The following CD44 variants were observed in gnomAD, a reference collection of about 807,000 sequenced individuals.
CD44 encodes CD44 molecule (IN blood group).
Under a neutral mutation model 88.8 loss-of-function variants are expected in CD44, and 49 were observed. The ratio of observed to expected loss-of-function variants is 0.55; its 90% CI spans 0.44 to 0.70. The LOEUF is 0.70. Ranked by LOEUF, CD44 falls within the 30% of genes least tolerant of loss-of-function variation. The pLI is 0.00. For synonymous variants in CD44, 325 were observed against 312.3 expected, an observed-to-expected ratio of 1.04 and a Z score of -0.43; for missense variants, 883 against 913.8, an observed-to-expected ratio of 0.97 and a Z score of 0.43.
intron 17 of CD44, among the ~76,000 whole-genome samples, chr11:35,225,955 G>C (rs188468402): frequency 1.2e-4 from 18 of 152,366 alleles, no homozygotes; most frequent in African/African-American, 4.3e-4. Context: ...ACATAATGAA[G>C]AAGCTGGGCT....
chr11:35,202,555 G>A (rs1023804941), intron 9 of CD44, among the ~76,000 whole-genome samples: 1 of 152,092 alleles, frequency 6.6e-6, no homozygotes, highest in Non-Finnish European at 1.5e-5. Flanking sequence ...CAGCTTTTTA[G>A]CATTTTTAAA....
chr11:35,181,584 C>G (rs1034990910), intron 3 of CD44, among the ~76,000 whole-genome samples: 1 of 148,580 alleles, frequency 6.7e-6, no homozygotes, highest in African/African-American at 2.5e-5. Context: ...TCAGTTTTCC[C>G]TAAAGATGTG....
At chr11:35,201,950 T>C (rs1192853946) in intron 9 of CD44, among the ~76,000 whole-genome samples, 163 bp downstream of exon 9, 1 of 152,220 alleles carries the variant, frequency 6.6e-6, no homozygotes, top group Non-Finnish European at 1.5e-5. Context: ...ACACAAATTT[T>C]AAAAATTGGA....
chr11:35,168,018 C>T (rs1565049284), intron 1 of CD44, among the ~76,000 whole-genome samples: 1 of 152,218 alleles, frequency 6.6e-6, no homozygotes, highest in South Asian at 2.1e-4. Context: ...AAGGTCAAGA[C>T]TTCAGAATCT....
chr11:35,222,754 C>T (rs1591345181), intron 17 of CD44: 4 of 980,132 alleles, frequency 4.1e-6, no homozygotes, highest in Non-Finnish European at 4.8e-6. Context: ...TATTTTTCTC[C>T]AGGACGTAAT....
chr11:35,200,152 A>C (rs1008294032), intron 7 of CD44, among the ~76,000 whole-genome samples: 4 of 152,048 alleles, frequency 2.6e-5, no homozygotes, highest in African/African-American at 9.7e-5. Context: ...TTGATTTTTC[A>C]TAACTTGTAA....
chr11:35,188,115 G>T (rs1433187438), intron 4 of CD44, among the ~76,000 whole-genome samples: 2 of 152,228 alleles, frequency 1.3e-5, no homozygotes, highest in African/African-American at 4.8e-5. Context: ...ACAGTACAGT[G>T]TTGAGAGGTC....
At chr11:35,195,476 C>T (rs1946651707) in intron 5 of CD44, among the ~76,000 whole-genome samples, 1 of 151,912 alleles carries the variant, frequency 6.6e-6, no homozygotes, top group Non-Finnish European at 1.5e-5. Context: ...TAAATGTTGA[C>T]AATGTTTATC....
rs1017086248 is a variant in CD44, at chr11:35,208,266, G to A, written c.1516+60G>A. 2.0e-5 allele frequency: 23 copies of A among 1,142,890 alleles called. No individual in the cohort carries two copies. In the East Asian group the frequency reaches 2.1e-4, roughly 11 times the overall value. The allele number at this position is 1,142,890 out of a possible 1,614,324, so 70.8% of individuals were successfully genotyped here. A position where few individuals can be genotyped will look rare whatever the true frequency, so the allele number is the denominator to read the frequency against. On this transcript the variant is annotated intron_variant, in intron 12 of 17. Coordinates refer to ENST00000428726, the MANE Select transcript of CD44 (RefSeq NM_000610.4). The stretch of plus-strand genomic sequence containing the variant: ...TGTATTCCTGCTTCATCTCTTACTC[G>A]CTATTGGCCAAGATGCAGAGCTTTG...
intron 5 of CD44, among the ~76,000 whole-genome samples, chr11:35,191,537 CT>C (rs1946273773): frequency 6.6e-6 from 1 of 152,138 alleles, no homozygotes; most frequent in African/African-American, 2.4e-5. Context: ...GGTTCCCTGT[CT>C]TTTTAAAGTA....
intron 1 of CD44, among the ~76,000 whole-genome samples, chr11:35,158,398 C>T (rs1942179837): frequency 6.6e-6 from 1 of 152,276 alleles, no homozygotes. Context: ...TTCTGCCAGT[C>T]ACCAATTATG....
chr11:35,142,875 A>T (rs534866570), intron 1 of CD44, among the ~76,000 whole-genome samples: 21 of 152,250 alleles, frequency 1.4e-4, no homozygotes, highest in Admixed American at 1.2e-3. Context: ...AGACTCAGAG[A>T]TGGGAACTCT....
Position 35,211,351 on chromosome 11 carries a change from G to T in CD44, c.1712G>T (p.Arg571Met). 1 of 1,613,966 alleles carries T rather than the reference G, an allele frequency of 6.2e-7. No individual in the cohort carries two copies. The highest frequency in any genetic ancestry group is 8.5e-7 in the Non-Finnish European group (1 of 1,179,878). Reference sequence around the variant, plus strand: ...CATTACCCACACACGAAGGAAAGCAGGACCTTCATCCCAGTGACCTCAGCT... The same window carrying T: ...CATTACCCACACACGAAGGAAAGCATGACCTTCATCCCAGTGACCTCAGCT... ...TSHYPHTKES[R>M]TFIPVTSAKT... The change falls in exon 14 of 18, where the codon AGG becomes ATG. Residue 571 changes from arginine to methionine, a missense_variant. Transcript: ENST00000428726.
At chr11:35,229,060 G>T in intron 17 of CD44, 69 bp from the exon 18 acceptor site, 1 of 1,257,284 alleles carries the variant, frequency 8.0e-7, no homozygotes, top group Non-Finnish European at 1.1e-6. Flanking sequence ...ATGGTGCTCA[G>T]TAAGGATGAT....
chr11:35,179,951 A>G (rs1944831846), intron 2 of CD44, among the ~76,000 whole-genome samples: 2 of 152,196 alleles, frequency 1.3e-5, no homozygotes, highest in South Asian at 2.1e-4. Context: ...TCTGTGACTC[A>G]GGCTTCCTTC....
chr11:35,173,619 A>C (rs1172668123), intron 1 of CD44, among the ~76,000 whole-genome samples: 1 of 152,226 alleles, frequency 6.6e-6, no homozygotes, highest in African/African-American at 2.4e-5. Flanking sequence ...ATGTCTTTTC[A>C]AGTTCCATTT....
rs1307240086 is a variant in CD44 at position 35,180,420 on chromosome 11, G to A, written c.367+13G>A. ...TTCAATGCTTCAGGTTGGTTCTCAG[G>A]GGGGTGTCTGTTGGCGTGAAAGGCT... On this transcript the variant is annotated intron_variant, in intron 3 of 17. Transcript: ENST00000428726. The A allele has an allele frequency of 8.1e-6, 13 of 1,613,822 alleles. No homozygotes were observed. In the African/African-American group the frequency reaches 9.3e-5, roughly 12 times the overall value.
chr11:35,143,538 A>G lies in CD44; in HGVS notation c.67+4168A>G, dbSNP rs139303916. 2.6e-5 allele frequency among the ~76,000 whole-genome samples: 4 copies of G among 152,258 alleles called. No homozygotes were observed. The East Asian group carries it at 5.8e-4, about 22-fold the overall frequency. On this transcript the variant is annotated intron_variant, in intron 1 of 17. Transcript: ENST00000428726. ...GTGGTGGAGTTGGGATTTCCGCATT[A>G]TCTAACATCCTCCCATGTTAGACTC...
intron 7 of CD44, among the ~76,000 whole-genome samples, chr11:35,199,934 G>GTTTTTTTTTTTTT (rs60509735): frequency 4.4e-5 from 4 of 90,864 alleles, no homozygotes; most frequent in Non-Finnish European, 8.2e-5. Context: ...CCATGGTGTT[G>GTTTTTTTTTTTTT]TTTTTTTTTT....
Sources: gnomAD v4.1 joint callset for allele counts (sites outside exome capture counted in the v4.1 genomes callset) on GRCh38, gnomAD v4.1.1 for gene constraint, MANE v1.5 for transcripts, NCBI Gene and HGNC (gene_info 2026-07-23, HGNC 2026-07-21) for gene names.